DEGS1: variants seen among roughly 807,000 people sequenced by gnomAD.
DEGS1 encodes delta 4-desaturase, sphingolipid 1, also known as sphingolipid delta(4)-desaturase DES1.
In DEGS1, 17 loss-of-function variants were observed where a neutral mutation model predicts 24.1. That is an observed-to-expected ratio of 0.70 (90% CI 0.48 to 1.06). The LOEUF (loss-of-function observed/expected upper bound fraction) is 1.06. Among genes scored for constraint, DEGS1 ranks in the 50% least tolerant of loss-of-function variants. The pLI is 0.00. For synonymous variants in DEGS1, 134 were observed against 140.0 expected (o/e 0.96, Z 0.30); for missense variants, 366 against 408.9 (o/e 0.90, Z 0.91).
chr1:224,189,499 AT>A, intron 1 of DEGS1, 77 bp from the exon 2 acceptor site: 1 of 1,096,462 alleles, frequency 9.1e-7, no homozygotes, highest in Non-Finnish European at 1.3e-6. Flanking sequence ...TGTTAGTTTA[AT>A]TGGTGTTAAT....
At chr1:224,185,101 A>G (rs1439691121) in intron 1 of DEGS1, among the ~76,000 whole-genome samples, 1 of 152,010 alleles carries the variant, frequency 6.6e-6, no homozygotes, top group Non-Finnish European at 1.5e-5. Flanking sequence ...TCATTTGCCC[A>G]GTGAAAAGAA....
In DEGS1 at chr1:224,183,245, A is replaced by G. The variant is rs1658278010; in HGVS notation, c.-92A>G. 1 of 1,208,004 alleles carries G rather than the reference A, an allele frequency of 8.3e-7. No homozygotes were observed. The highest frequency in any genetic ancestry group is 1.6e-5 in the South Asian group (1 of 61,638). 74.8% of individuals were successfully genotyped at this position (1,208,004 alleles called of 1,614,324 possible). A position where few individuals can be genotyped will look rare whatever the true frequency, so the allele number is the denominator to read the frequency against. On this transcript the variant is annotated 5_prime_UTR_variant, in exon 1 of 3. Coordinates refer to ENST00000323699, the MANE Select transcript of DEGS1 (RefSeq NM_003676.4). ...CTCCGCCACAGCCGGCCGACACCACACCAGCCGGGGAGCCGCCGCCGCCGC... is the reference window on the plus strand; with the variant it reads ...CTCCGCCACAGCCGGCCGACACCACGCCAGCCGGGGAGCCGCCGCCGCCGC...
intron 1 of DEGS1, among the ~76,000 whole-genome samples, chr1:224,185,058 A>G (rs1189942723): frequency 6.6e-6 from 1 of 151,862 alleles, no homozygotes; most frequent in Non-Finnish European, 1.5e-5. Context: ...TATTCCTTAT[A>G]TATAGTATTT....
At position 224,183,395 on chromosome 1, in the gene DEGS1, C is replaced by A; in HGVS notation, c.59C>A (p.Ala20Asp). ...FEWVYTDQPH[A>D]DRRREILAKY... ...TGGGTCTACACCGACCAGCCGCACG[C>A]CGACCGGCGCCGGGAGATCCTGGGT... Residue 20 changes from alanine to aspartate, a missense_variant, in exon 1 of 3, where the codon GCC becomes GAC. Transcript: ENST00000323699. 1 of 1,431,468 alleles carries A rather than the reference C, an allele frequency of 7.0e-7. No homozygotes were observed. Among genetic ancestry groups the A allele is most frequent in the Non-Finnish European group, 9.2e-7 (1 of 1,082,778 alleles). 88.7% of individuals were successfully genotyped at this position (1,431,468 alleles called of 1,614,324 possible).
At chr1:224,190,442 C>T (rs1366326036) in intron 2 of DEGS1, 123 bp downstream of exon 2, 25 of 809,388 alleles carry the variant, frequency 3.1e-5, no homozygotes, top group Non-Finnish European at 4.1e-5. Context: ...ACTGTAACCT[C>T]CACCTCCCGG....
In DEGS1 at chr1:224,190,057, T is replaced by C. The variant is rs761528676; in HGVS notation, c.563T>C (p.Ile188Thr). ...NPKPITYLEV[I>T]NTVAQVTFDI... ...AAACCAATTACGTATCTGGAAGTTA[T>C]CAATACCGTGGCACAGGTCACTTTT... is the stretch of plus-strand genomic sequence containing the variant. Residue 188 changes from isoleucine (I) to threonine (T), a missense_variant, in exon 2 of 3, where the codon ATC becomes ACC. Coordinates refer to ENST00000323699, the MANE Select transcript of DEGS1 (RefSeq NM_003676.4). The C allele has an allele frequency of 1.9e-6, 3 of 1,614,240 alleles. No individual in the cohort carries two copies. Among genetic ancestry groups the C allele is most frequent in the Admixed American group, 1.7e-5 (1 of 60,014 alleles).
chr1:224,190,849 A>G (rs531534138), intron 2 of DEGS1, among the ~76,000 whole-genome samples: 1 of 152,018 alleles, frequency 6.6e-6, no homozygotes, highest in Non-Finnish European at 1.5e-5. Flanking sequence ...CAGCCTCCTG[A>G]GTAGGCAGGA....
At position 224,193,231 on chromosome 1, in the gene DEGS1, G is replaced by A. The variant is rs570202679; in HGVS notation, c.*753G>A. 54 of 152,040 alleles carry A rather than the reference G, an allele frequency of 3.6e-4. No homozygotes were observed. Among genetic ancestry groups the A allele is most frequent in the Admixed American group, 1.4e-3 (22 of 15,250 alleles). The allele number at this position is 152,040 out of a possible 1,614,324, so 9.4% of individuals were successfully genotyped here. A position where few individuals can be genotyped will look rare whatever the true frequency, so the allele number is the denominator to read the frequency against. On this transcript the variant is annotated 3_prime_UTR_variant, in exon 3 of 3. Transcript: ENST00000323699. Reference sequence around the variant, plus strand: ...TATATAATATGGTAACTTGGGTACCGGGGGAACTTTAAAATTTCATCTCAA... The same window carrying A: ...TATATAATATGGTAACTTGGGTACCAGGGGAACTTTAAAATTTCATCTCAA...
At chr1:224,183,642 A>C (rs1269601307) in intron 1 of DEGS1, 3 of 334,840 alleles carry the variant, frequency 9.0e-6, no homozygotes, top group Admixed American at 9.8e-5. Flanking sequence ...CGCAGCTCCG[A>C]CCCTTCCGCG....
chr1:224,183,289 G>T lies in DEGS1; in HGVS notation c.-48G>T. The T allele has an allele frequency of 6.9e-7, 1 of 1,456,142 alleles. No individual in the cohort carries two copies. Among genetic ancestry groups the T allele is most frequent in the South Asian group, 1.3e-5 (1 of 74,758 alleles). The allele number at this position is 1,456,142 out of a possible 1,614,324, so 90.2% of individuals were successfully genotyped here. A position where few individuals can be genotyped will look rare whatever the true frequency, so the allele number is the denominator to read the frequency against. On this transcript the variant is annotated 5_prime_UTR_variant, in exon 1 of 3. Coordinates refer to ENST00000323699, the MANE Select transcript of DEGS1 (RefSeq NM_003676.4). ...CCGCCGCCGCCACCTCTGAGCAGCCGGCTGGGAGCGAGAGCCGACAGCTAG... is the reference window on the plus strand; with the variant it reads ...CCGCCGCCGCCACCTCTGAGCAGCCTGCTGGGAGCGAGAGCCGACAGCTAG...
chr1:224,188,742 A>G (rs1485491707), intron 1 of DEGS1, among the ~76,000 whole-genome samples: 2 of 152,208 alleles, frequency 1.3e-5, no homozygotes, highest in Non-Finnish European at 2.9e-5. Context: ...CTTATGAGAT[A>G]CATGATTTGC....
At position 224,183,688 on chromosome 1, in the gene DEGS1, C is replaced by T. The variant is rs1049142066; in HGVS notation, c.82+270C>T. On this transcript the variant is annotated intron_variant, in intron 1 of 2. Coordinates refer to ENST00000323699, the MANE Select transcript of DEGS1 (RefSeq NM_003676.4). Reference sequence around the variant, plus strand: ...GGCGCGTCCCCGAGCGCGGGAGTCCCCGCCAGGCCCACGCCGGCCGGTTGG... The same window carrying T: ...GGCGCGTCCCCGAGCGCGGGAGTCCTCGCCAGGCCCACGCCGGCCGGTTGG... 3.7e-5 allele frequency: 11 copies of T among 293,766 alleles called. No homozygotes were observed. In the Admixed American group the frequency reaches 5.2e-4, roughly 14 times the overall value. The allele number at this position is 293,766 out of a possible 1,614,324, so 18.2% of individuals were successfully genotyped here.
At chr1:224,187,189 T>A (rs1045116051) in intron 1 of DEGS1, among the ~76,000 whole-genome samples, 7 of 151,866 alleles carry the variant, frequency 4.6e-5, no homozygotes, top group African/African-American at 1.7e-4. Flanking sequence ...GCGCCTGTAA[T>A]CCCAGCTACT....
rs775233168 is a variant in DEGS1, at chr1:224,189,932, C to T, written c.438C>T (p.Thr146=). 19 of 1,614,006 alleles carry T rather than the reference C, an allele frequency of 1.2e-5. No homozygotes were observed. The highest frequency in any genetic ancestry group is 5.5e-5 in the South Asian group (5 of 91,082). The stretch of plus-strand genomic sequence containing the variant: ...ATGGCGTCGATGTAGATATTCCTAC[C>T]GATTTTGAGGGCTGGTTCTTCTGTA... ...GADGVDVDIP[T]DFEGWFFCTA... Residue 146 remains threonine, a synonymous_variant, in exon 2 of 3, where the codon ACC becomes ACT. Transcript: ENST00000323699.
intron 2 of DEGS1, 108 bp from the exon 3 acceptor site, chr1:224,192,224 A>G: frequency 2.4e-6 from 2 of 838,280 alleles, no homozygotes; most frequent in Non-Finnish European, 3.6e-6. Flanking sequence ...GGAGGGAGGC[A>G]GGTCTCATGG....
At chr1:224,186,690 G>A (rs1263448932) in intron 1 of DEGS1, among the ~76,000 whole-genome samples, 4 of 147,530 alleles carry the variant, frequency 2.7e-5, no homozygotes, top group Admixed American at 6.8e-5. Context: ...TCCAGCCTGG[G>A]CGACAGAGTG....
chr1:224,192,047 TTTG>T (rs1363737983), intron 2 of DEGS1, among the ~76,000 whole-genome samples: 1 of 152,224 alleles, frequency 6.6e-6, no homozygotes, highest in Non-Finnish European at 1.5e-5. Flanking sequence ...ATTGTATGTA[TTTG>T]TTGTTAATTT....
chr1:224,184,527 T>G (rs1357669016), intron 1 of DEGS1, among the ~76,000 whole-genome samples: 1 of 151,934 alleles, frequency 6.6e-6, no homozygotes, highest in Non-Finnish European at 1.5e-5. Flanking sequence ...TTGTTTGTTT[T>G]TTGAGACTGA....
chr1:224,183,929 C>T, intron 1 of DEGS1: 1 of 152,774 alleles, frequency 6.5e-6, no homozygotes, highest in Non-Finnish European at 1.5e-5. Flanking sequence ...GGGTGTCGGG[C>T]GCCGGCGGGC....
Sources: gnomAD v4.1 joint callset for allele counts (sites outside exome capture counted in the v4.1 genomes callset) on GRCh38, gnomAD v4.1.1 for gene constraint, MANE v1.5 for transcripts, NCBI Gene and HGNC (gene_info 2026-07-23, HGNC 2026-07-21) for gene names.